The following ZFHX3 variants were observed in gnomAD, a reference collection of about 807,000 sequenced individuals.
ZFHX3 encodes the protein zinc finger homeobox protein 3.
ZFHX3 carries 42 observed loss-of-function variants against 279.1 expected under a neutral mutation model. The observed-to-expected ratio is 0.15, with a 90% CI of 0.12 to 0.19. The LOEUF (loss-of-function observed/expected upper bound fraction) is 0.19, where lower values mean the gene tolerates loss of function less well. Ranked by LOEUF, ZFHX3 falls within the 10% of genes least tolerant of loss-of-function variation. The pLI is 1.00. For synonymous variants in ZFHX3, 2,293 were observed against 1,957.8 expected (o/e 1.17, Z -4.52); for missense variants, 4,981 against 4,754.0 (o/e 1.05, Z -1.40).
intron 1 of ZFHX3, among the ~76,000 whole-genome samples, chr16:73,792,028 A>G (rs2142315430): frequency 6.6e-6 from 1 of 152,324 alleles, no homozygotes; most frequent in East Asian, 1.9e-4. Context: ...AGAATGAAGA[A>G]TCAAAATTCC....
intron 1 of ZFHX3, among the ~76,000 whole-genome samples, chr16:73,019,315 C>T (rs1287856714): frequency 1.3e-5 from 2 of 150,168 alleles, no homozygotes; most frequent in African/African-American, 4.9e-5. Flanking sequence ...CTGAATCCTC[C>T]ACCAGCGTGT....
chr16:73,845,681 T>C (rs1272730368), intron 1 of ZFHX3, among the ~76,000 whole-genome samples: 1 of 152,224 alleles, frequency 6.6e-6, no homozygotes, highest in Non-Finnish European at 1.5e-5. Context: ...TTTTCCAACA[T>C]GCGTTGTCAT....
chr16:73,561,070 C>T (rs1246835599), intron 2 of ZFHX3, among the ~76,000 whole-genome samples: 2 of 152,252 alleles, frequency 1.3e-5, no homozygotes, highest in East Asian at 3.9e-4. Context: ...GTATTTGGGA[C>T]AAGCTTCTAC....
At chr16:73,145,336 A>T (rs1325488262) in intron 5 of ZFHX3, among the ~76,000 whole-genome samples, 1 of 152,184 alleles carries the variant, frequency 6.6e-6, no homozygotes, top group African/African-American at 2.4e-5. Context: ...GCCAGGGGCC[A>T]ATGTCAGGGT....
intron 7 of ZFHX3, among the ~76,000 whole-genome samples, chr16:73,101,666 T>C (rs1364381124): frequency 6.6e-6 from 1 of 152,094 alleles, no homozygotes; most frequent in African/African-American, 2.4e-5. Context: ...CCTCCCATAG[T>C]GCTGGGATTA....
chr16:73,206,896 T>C (rs1318313458), intron 5 of ZFHX3, among the ~76,000 whole-genome samples: 1 of 151,870 alleles, frequency 6.6e-6, no homozygotes, highest in South Asian at 2.1e-4. Flanking sequence ...CGGGTACCTG[T>C]AGTTGCAGCT....
intron 1 of ZFHX3, among the ~76,000 whole-genome samples, chr16:73,891,115 T>C (rs2030523912): frequency 6.7e-6 from 1 of 148,354 alleles, no homozygotes; most frequent in South Asian, 2.2e-4. Context: ...CCCTCACACC[T>C]CTGCCACTTT....
chr16:73,561,337 A>G (rs1397461360), intron 2 of ZFHX3, among the ~76,000 whole-genome samples: 2 of 152,198 alleles, frequency 1.3e-5, no homozygotes, highest in African/African-American at 4.8e-5. Flanking sequence ...TTTTTTAAAA[A>G]AATATTGTTT....
At chr16:73,044,442 T>C (rs1350079130) in intron 1 of ZFHX3, among the ~76,000 whole-genome samples, 6 of 152,218 alleles carry the variant, frequency 3.9e-5, no homozygotes, top group Admixed American at 1.3e-4. Flanking sequence ...CATACTGTAC[T>C]TCTTCAGGTT....
At chr16:73,694,945 C>G (rs931103997) in intron 1 of ZFHX3, among the ~76,000 whole-genome samples, 6 of 152,222 alleles carry the variant, frequency 3.9e-5, no homozygotes, top group African/African-American at 1.4e-4. Context: ...CTCAAGAACT[C>G]CAAAAGCCAA....
chr16:72,964,458 T>G (rs1414417195), intron 1 of ZFHX3, among the ~76,000 whole-genome samples: 1 of 152,094 alleles, frequency 6.6e-6, no homozygotes, highest in Non-Finnish European at 1.5e-5. Context: ...AGGAGAGACT[T>G]ATATTACAAT....
chr16:73,319,982 A>G (rs2015541513), intron 3 of ZFHX3, among the ~76,000 whole-genome samples: 1 of 152,210 alleles, frequency 6.6e-6, no homozygotes, highest in Non-Finnish European at 1.5e-5. Context: ...TGCATTAAGG[A>G]AAGTGTGCTG....
chr16:73,434,399 A>G (rs1597334231), intron 3 of ZFHX3, among the ~76,000 whole-genome samples: 1 of 152,176 alleles, frequency 6.6e-6, no homozygotes, highest in South Asian at 2.1e-4. Context: ...CATTAAGTTT[A>G]TCTACTAAGG....
intron 2 of ZFHX3, among the ~76,000 whole-genome samples, chr16:73,470,516 C>T (rs1361310910): frequency 1.3e-5 from 2 of 152,120 alleles, no homozygotes; most frequent in African/African-American, 4.8e-5. Flanking sequence ...AATGAGTAAC[C>T]AATTACCAAT....
chr16:73,301,063 G>A lies in ZFHX3; in HGVS notation c.-1194+17177C>T, dbSNP rs575426775. ...GGACATGTTCAGCATCTGGACACTC[G>A]ATGGCATCTTGAAGGGACCAGCTAT... On this transcript the variant is annotated intron_variant, in intron 4 of 17. Coordinates refer to the ZFHX3 transcript ENST00000641206. Among the ~76,000 whole-genome samples, 9 of 152,304 alleles carry A rather than the reference G, an allele frequency of 5.9e-5. No homozygotes were observed. The East Asian group carries it at 1.4e-3, about 23-fold the overall frequency.
chr16:73,564,347 G>A (rs753038474), intron 2 of ZFHX3, among the ~76,000 whole-genome samples: 2 of 152,126 alleles, frequency 1.3e-5, no homozygotes, highest in Non-Finnish European at 2.9e-5. Flanking sequence ...TTGACCCCAC[G>A]CTGGGGTTTA....
At chr16:72,808,092 A>G (rs1013896669) in intron 7 of ZFHX3, 2 of 152,196 alleles carry the variant, frequency 1.3e-5, no homozygotes, top group Non-Finnish European at 2.9e-5. Flanking sequence ...CCCGGGGCCA[A>G]TCTTCTAATA....
In ZFHX3 at chr16:73,385,607, G is replaced by A. The variant is rs74028613; in HGVS notation, c.-1290-67271C>T. On this transcript the variant is annotated intron_variant, in intron 3 of 17. Coordinates refer to the ZFHX3 transcript ENST00000641206. ...CAACGTGTTAGGTTTTGAAGGGAAG[G>A]TGAGGGTTAAAGAAAGACACACACA... 8.0e-3 allele frequency among the ~76,000 whole-genome samples: 1,212 copies of A among 152,300 alleles called. 19 individuals are homozygous for A. The highest frequency in any genetic ancestry group is 0.028 in the African/African-American group (1,159 of 41,568).
intron 4 of ZFHX3, among the ~76,000 whole-genome samples, chr16:72,846,018 C>A (rs1307775653): frequency 5.9e-5 from 9 of 152,154 alleles, no homozygotes; most frequent in Non-Finnish European, 1.3e-4. Flanking sequence ...GTCTGTCCAT[C>A]CATCCGCCCA....
Sources: gnomAD v4.1 joint callset for allele counts (sites outside exome capture counted in the v4.1 genomes callset) on GRCh38, gnomAD v4.1.1 for gene constraint, MANE v1.5 for transcripts, NCBI Gene and HGNC (gene_info 2026-07-23, HGNC 2026-07-21) for gene names.